The following COL9A2 variants were observed in gnomAD, a reference collection of about 807,000 sequenced individuals.
The protein encoded by COL9A2 is collagen type IX alpha 2 chain, also known as collagen alpha-2(IX) chain.
COL9A2 carries 66 observed loss-of-function variants against 111.6 expected under a neutral mutation model. The observed-to-expected ratio is 0.59, with a 90% CI of 0.48 to 0.73. The LOEUF (loss-of-function observed/expected upper bound fraction) is 0.73, where lower values mean the gene tolerates loss of function less well. Ranked by LOEUF, COL9A2 falls within the 30% of genes least tolerant of loss-of-function variation. COL9A2 has a pLI of 0.00. For synonymous variants in COL9A2, 353 were observed against 364.1 expected (o/e 0.97, Z 0.35); for missense variants, 881 against 954.1 (o/e 0.92, Z 1.01).
At chr1:40,309,616 T>C (rs1644085104) in intron 16 of COL9A2, among the ~76,000 whole-genome samples, 1 of 151,754 alleles carries the variant, frequency 6.6e-6, no homozygotes, top group Admixed American at 6.6e-5. Flanking sequence ...CCCCAGCAGG[T>C]CACCCACTTG....
Position 40,312,212 on chromosome 1 carries a change from CTTTTT to C in COL9A2, c.364-105_364-101del. 9 of 926,160 alleles carry C rather than the reference CTTTTT, an allele frequency of 9.7e-6. No individual in the cohort carries two copies. Among genetic ancestry groups the C allele is most frequent in the Non-Finnish European group, 1.3e-5 (8 of 618,720 alleles). The allele number at this position is 926,160 out of a possible 1,614,324, so 57.4% of individuals were successfully genotyped here. A position where few individuals can be genotyped will look rare whatever the true frequency, so the allele number is the denominator to read the frequency against. On this transcript the variant is annotated intron_variant, in intron 7 of 31. Coordinates refer to ENST00000372748, the MANE Select transcript of COL9A2 (RefSeq NM_001852.4). The surrounding 1 kb of genome is among the most constrained non-coding windows in gnomAD (Gnocchi z 6.0). ...CCCAAAGCCCGTTTCTCCACTTTTA[CTTTTT>C]TTTTTTTTTTGCCAACCCCAGAGAG... is the stretch of plus-strand genomic sequence containing the variant.
intron 1 of COL9A2, 93 bp from the exon 2 acceptor site, chr1:40,315,757 G>T: frequency 1.2e-6 from 1 of 815,294 alleles, no homozygotes; most frequent in Non-Finnish European, 1.9e-6. Flanking sequence ...CGGGGTCCTA[G>T]GGGCGCAGCT....
rs202186323 is a variant in COL9A2, at chr1:40,304,895, A to G, written c.1108-48T>C. 2.0e-3 allele frequency: 2,944 copies of G among 1,500,902 alleles called. 5 individuals are homozygous for G. Among genetic ancestry groups the G allele is most frequent in the Non-Finnish European group, 2.4e-3 (2,688 of 1,109,912 alleles). The allele number at this position is 1,500,902 out of a possible 1,614,324, so 93.0% of individuals were successfully genotyped here. A position where few individuals can be genotyped will look rare whatever the true frequency, so the allele number is the denominator to read the frequency against. The stretch of plus-strand genomic sequence containing the variant: ...CTAAGCGTTTGACCTGGTGGAACCC[A>G]CCCTTCCACACCTGGCCAGCCCCTC... On this transcript the variant is annotated intron_variant, in intron 21 of 31. Coordinates refer to ENST00000372748, the MANE Select transcript of COL9A2 (RefSeq NM_001852.4).
chr1:40,301,371 GC>G lies in COL9A2; in HGVS notation c.1880del (p.Gly627AlafsTer121), dbSNP rs1557789278. The G allele has an allele frequency of 6.2e-7, 1 of 1,608,452 alleles. No homozygotes were observed. Among genetic ancestry groups the G allele is most frequent in the Non-Finnish European group, 8.5e-7 (1 of 1,176,444 alleles). On this transcript the variant is annotated frameshift_variant, in exon 32 of 32. Transcript: ENST00000372748. LOFTEE classifies it high-confidence loss of function. ...TGCCGTTGATTGCCTGGCCAGGCCG[GC>G]CAGGGAGTCCTGTGAACAGGAGAAA... ...PGPPGIPGLP[G>X]RPGQAINGKD...
chr1:40,301,077 C>A lies in COL9A2; in HGVS notation c.*105G>T, dbSNP rs1371830841. ...GACTCCTGAGTCCCAGACAGAAGGT[C>A]CTGGGGGAGATGGTTTCCTGGACTG... On this transcript the variant is annotated 3_prime_UTR_variant, in exon 32 of 32. Transcript: ENST00000372748. The A allele has an allele frequency of 8.2e-7, 1 of 1,218,604 alleles. No homozygotes were observed. Among genetic ancestry groups the A allele is most frequent in the African/African-American group, 1.5e-5 (1 of 67,090 alleles). 75.5% of individuals were successfully genotyped at this position (1,218,604 alleles called of 1,614,324 possible). A position where few individuals can be genotyped will look rare whatever the true frequency, so the allele number is the denominator to read the frequency against.
intron 2 of COL9A2, 173 bp downstream of exon 2, chr1:40,315,417 G>T: frequency 7.0e-7 from 1 of 1,429,650 alleles, no homozygotes; most frequent in East Asian, 2.6e-5. Flanking sequence ...GGGCTGGTTT[G>T]AGGTTTTTGC....
rs539442583 is a variant in COL9A2, at chr1:40,312,538, C to G, written c.339+36G>C. The G allele has an allele frequency of 6.2e-6, 10 of 1,614,018 alleles. No homozygotes were observed. In the African/African-American group the frequency reaches 1.1e-4, roughly 17 times the overall value. On this transcript the variant is annotated intron_variant, in intron 6 of 31. Transcript: ENST00000372748. The surrounding 1 kb of genome is among the most constrained non-coding windows in gnomAD (Gnocchi z 6.0). The stretch of plus-strand genomic sequence containing the variant: ...CTCCCTCTGCAGGTCCCCTCTCCCC[C>G]AAGAGTCCCTCGAAGCCCTTGCAGG...
Position 40,307,707 on chromosome 1 carries a change from A to C in COL9A2, c.950T>G (p.Met317Arg). The change falls in exon 18 of 32, where the codon ATG becomes AGG. Residue 317 changes from methionine to arginine, a missense_variant. Physicochemically the swap from Met to Arg is moderately conservative, Grantham distance 91. Coordinates refer to ENST00000372748, the MANE Select transcript of COL9A2 (RefSeq NM_001852.4). This position sits in a 1 kb window ranked among gnomAD's most constrained non-coding sequence, Gnocchi z 4.8. ...CATCAGCAGCCCCACTCCTACCTTC[A>C]TGCCAGGCGTGCCTGGGGTCCCATC... The part of the protein sequence containing the change: ...GKDGTPGTPG[M>R]KGSAGQAGQP... The C allele has an allele frequency of 6.2e-7, 1 of 1,614,102 alleles. No individual in the cohort carries two copies. Among genetic ancestry groups the C allele is most frequent in the Non-Finnish European group, 8.5e-7 (1 of 1,179,980 alleles).
At position 40,304,238 on chromosome 1, in the gene COL9A2, C is replaced by T. The variant is rs116231529; in HGVS notation, c.1287+82G>A. 8,033 of 1,531,222 alleles carry T rather than the reference C, an allele frequency of 5.2e-3. 354 individuals carry two copies. The African/African-American group carries it at 0.094, about 18-fold the overall frequency. 94.9% of individuals were successfully genotyped at this position (1,531,222 alleles called of 1,614,324 possible). A position where few individuals can be genotyped will look rare whatever the true frequency, so the allele number is the denominator to read the frequency against. Reference sequence around the variant, plus strand: ...CCTGAGATCCGCAGGTTTGGAGGCTCCGGAAGGATCTGAGTCCTGCCGACC... The same window carrying T: ...CCTGAGATCCGCAGGTTTGGAGGCTTCGGAAGGATCTGAGTCCTGCCGACC... On this transcript the variant is annotated intron_variant, in intron 24 of 31. Coordinates refer to ENST00000372748, the MANE Select transcript of COL9A2 (RefSeq NM_001852.4).
At position 40,303,549 on chromosome 1, in the gene COL9A2, G is replaced by C; in HGVS notation, c.1529C>G (p.Pro510Arg). ...LAGNRGVPGQ[P>R]GRQGVEGRDA... ...ACTCACCTCCACGCCCTGTCTCCCG[G>C]GCTGTCCTGGCACGCCTCGGTTCCC... is the stretch of plus-strand genomic sequence containing the variant. Residue 510 changes from proline (P) to arginine (R), a missense_variant, in exon 28 of 32, where the codon CCC becomes CGC. Pro to Arg is a moderately radical substitution (Grantham distance 103). Coordinates refer to ENST00000372748, the MANE Select transcript of COL9A2 (RefSeq NM_001852.4). The surrounding 1 kb of genome is among the most constrained non-coding windows in gnomAD (Gnocchi z 4.6). 1 of 1,611,578 alleles carries C rather than the reference G, an allele frequency of 6.2e-7. No individual in the cohort carries two copies. Among genetic ancestry groups the C allele is most frequent in the South Asian group, 1.1e-5 (1 of 90,914 alleles).
Position 40,301,193 on chromosome 1 carries a change from T to C in COL9A2, c.2059A>G (p.Lys687Glu), listed in dbSNP as rs201847956. ...SARLTEPGSI[K>E]GP is the part of the protein sequence containing the mutation. ...TCTGGGCCTGATGCTCAAGGCCCCTTGATGGATCCAGGCTCTGTAAGGCGG... is the reference window on the plus strand; with the variant it reads ...TCTGGGCCTGATGCTCAAGGCCCCTCGATGGATCCAGGCTCTGTAAGGCGG... The change falls in exon 32 of 32, where the codon AAG (lysine) becomes GAG (glutamate). Residue 687 changes from lysine to glutamate, a missense_variant. Coordinates refer to ENST00000372748, the MANE Select transcript of COL9A2 (RefSeq NM_001852.4). The C allele has an allele frequency of 6.9e-5, 112 of 1,613,458 alleles. No individual in the cohort carries two copies. The highest frequency in any genetic ancestry group is 1.3e-5 in the African/African-American group (1 of 74,904).
intron 20 of COL9A2, 56 bp downstream of exon 20, chr1:40,306,087 C>T: frequency 1.2e-6 from 2 of 1,603,934 alleles, no homozygotes; most frequent in South Asian, 2.2e-5. Context: ...GCCTTGCTGT[C>T]TTCCTGGCCC....
In COL9A2 at chr1:40,300,915, C is replaced by T. The variant is rs545871447; in HGVS notation, c.*267G>A. On this transcript the variant is annotated 3_prime_UTR_variant, in exon 32 of 32. Coordinates refer to ENST00000372748, the MANE Select transcript of COL9A2 (RefSeq NM_001852.4). This position sits in a 1 kb window ranked among gnomAD's most constrained non-coding sequence, Gnocchi z 4.4. Reference sequence around the variant, plus strand: ...GTTTTGGTAACAGCCGAATGATGCTCGCTGGAAGGAAAGCCGCCCTATTCC... The same window carrying T: ...GTTTTGGTAACAGCCGAATGATGCTTGCTGGAAGGAAAGCCGCCCTATTCC... The T allele has an allele frequency of 3.0e-4, 144 of 476,844 alleles. No homozygotes were observed. Among genetic ancestry groups the T allele is most frequent in the African/African-American group, 2.5e-3 (127 of 51,548 alleles). 29.5% of individuals were successfully genotyped at this position (476,844 alleles called of 1,614,324 possible). A position where few individuals can be genotyped will look rare whatever the true frequency, so the allele number is the denominator to read the frequency against.
In COL9A2 at chr1:40,311,441, T is replaced by G; in HGVS notation, c.519+59A>C. 60 of 998,086 alleles carry G rather than the reference T, an allele frequency of 6.0e-5. No homozygotes were observed. The highest frequency in any genetic ancestry group is 7.7e-5 in the Non-Finnish European group (54 of 699,818). 61.8% of individuals were successfully genotyped at this position (998,086 alleles called of 1,614,324 possible). Reference sequence around the variant, plus strand: ...ACACCCCCATCTCCGTGGCCCCGCCTCCCCATCTCTGTGGCCCCGCCCCCC... The same window carrying G: ...ACACCCCCATCTCCGTGGCCCCGCCGCCCCATCTCTGTGGCCCCGCCCCCC... On this transcript the variant is annotated intron_variant, in intron 10 of 31. Coordinates refer to ENST00000372748, the MANE Select transcript of COL9A2 (RefSeq NM_001852.4). The surrounding 1 kb of genome is among the most constrained non-coding windows in gnomAD (Gnocchi z 5.1).
At chr1:40,309,433 G>GAAAA (rs374162527) in intron 16 of COL9A2, among the ~76,000 whole-genome samples, 24 of 143,812 alleles carry the variant, frequency 1.7e-4, no homozygotes, top group African/African-American at 6.0e-4. Context: ...CTATTAATTG[G>GAAAA]GAAAAAAAAA....
At chr1:40,304,569 A>G (rs766391807) in intron 22 of COL9A2, 40 bp from the exon 23 acceptor site, 1 of 1,611,534 alleles carries the variant, frequency 6.2e-7, no homozygotes, top group Non-Finnish European at 8.5e-7. Context: ...AGCAGCTCTC[A>G]GCAGGGGTAG....
chr1:40,315,362 A>G (rs901368368), intron 2 of COL9A2: 158 of 1,377,322 alleles, frequency 1.1e-4, no homozygotes, highest in Non-Finnish European at 1.4e-4. Flanking sequence ...CGGACTGAAC[A>G]GCAGCTCCTT....
intron 21 of COL9A2, among the ~76,000 whole-genome samples, chr1:40,305,443 T>C (rs1644013286): frequency 6.6e-6 from 1 of 152,214 alleles, no homozygotes; most frequent in Non-Finnish European, 1.5e-5. Flanking sequence ...TAGTGAATGT[T>C]TATGCAATGA....
Position 40,310,972 on chromosome 1 carries a change from C to T in COL9A2, c.630+121G>A. On this transcript the variant is annotated intron_variant, in intron 12 of 31. Coordinates refer to ENST00000372748, the MANE Select transcript of COL9A2 (RefSeq NM_001852.4). This position sits in a 1 kb window ranked among gnomAD's most constrained non-coding sequence, Gnocchi z 4.9. ...GACCTGGAGCACAGGCCTCCAGCCCCCGGCTCAAGGCTCTGTCCCCAGAAC... is the reference window on the plus strand; with the variant it reads ...GACCTGGAGCACAGGCCTCCAGCCCTCGGCTCAAGGCTCTGTCCCCAGAAC... 7.2e-7 allele frequency: 1 copy of T among 1,380,406 alleles called. No homozygotes were observed. Among genetic ancestry groups the T allele is most frequent in the Non-Finnish European group, 1.0e-6 (1 of 972,756 alleles). 85.5% of individuals were successfully genotyped at this position (1,380,406 alleles called of 1,614,324 possible).
Sources: gnomAD v4.1 joint callset for allele counts (sites outside exome capture counted in the v4.1 genomes callset) on GRCh38, gnomAD v4.1.1 for gene constraint, Gnocchi (gnomAD v3.1) non-coding constraint, MANE v1.5 for transcripts, NCBI Gene and HGNC (gene_info 2026-07-23, HGNC 2026-07-21) for gene names.